Variants in HKDC1 observed in about 807,000 individuals in gnomAD.
HKDC1 encodes hexokinase HKDC1.
In HKDC1, 66 loss-of-function variants were observed where a neutral mutation model predicts 96.6. That is an observed-to-expected ratio of 0.68 (90% CI 0.56 to 0.84). The LOEUF (loss-of-function observed/expected upper bound fraction) is 0.84. HKDC1 is among the 40% of genes least tolerant of loss of function. The probability of loss-of-function intolerance (pLI) is 0.00; values close to 1 mark genes in which losing one functional copy is unlikely to be tolerated. For missense variants in HKDC1, 1,211 were observed against 1,208.1 expected (o/e 1.00, Z -0.04); for synonymous variants, 466 against 473.1 (o/e 0.98, Z 0.20).
intron 4 of HKDC1, among the ~76,000 whole-genome samples, chr10:69,234,329 T>C (rs1323488574): frequency 1.3e-5 from 2 of 152,264 alleles, no homozygotes; most frequent in African/African-American, 4.8e-5. Context: ...CACATGGCTT[T>C]GAATCATGGT....
intron 6 of HKDC1, among the ~76,000 whole-genome samples, chr10:69,242,441 A>AC (rs1843469294): frequency 1.3e-5 from 2 of 151,810 alleles, no homozygotes; most frequent in African/African-American, 2.4e-5. Context: ...AAAAAAAAAA[A>AC]AAAAAAAAAC....
At position 69,248,274 on chromosome 10, in the gene HKDC1, C is replaced by G. The variant is rs928937629; in HGVS notation, c.1266-150C>G. The G allele has an allele frequency of 6.5e-6, 5 of 772,384 alleles. No homozygotes were observed. The African/African-American group carries it at 8.7e-5, about 13-fold the overall frequency. The allele number at this position is 772,384 out of a possible 1,614,324, so 47.8% of individuals were successfully genotyped here. On this transcript the variant is annotated intron_variant, in intron 9 of 17. Coordinates refer to ENST00000354624, the MANE Select transcript of HKDC1 (RefSeq NM_025130.4). ...CCCAGCTTCTTAGTCCCTCCCTCCTCTCATCCCCTCCCCTCCCTACCATCA... is the reference window on the plus strand; with the variant it reads ...CCCAGCTTCTTAGTCCCTCCCTCCTGTCATCCCCTCCCCTCCCTACCATCA...
chr10:69,232,979 C>T (rs1843294938), intron 3 of HKDC1, 35 bp from the exon 4 acceptor site: 1 of 1,613,070 alleles, frequency 6.2e-7, no homozygotes, highest in Non-Finnish European at 8.5e-7. Context: ...GAAACCACAC[C>T]TTAGCCCATG....
At chr10:69,266,492 T>G in intron 17 of HKDC1, 118 bp from the exon 18 acceptor site, 2 of 1,075,452 alleles carry the variant, frequency 1.9e-6, no homozygotes, top group Non-Finnish European at 2.7e-6. Context: ...GAAGAAGCTG[T>G]TTAGAGCCTT....
At chr10:69,224,357 C>G (rs1045733917) in intron 1 of HKDC1, among the ~76,000 whole-genome samples, 9 of 152,114 alleles carry the variant, frequency 5.9e-5, no homozygotes, top group Non-Finnish European at 1.0e-4. Context: ...GATCTCGGCT[C>G]ACTGCCAGCT....
chr10:69,236,497 G>A (rs1843362926), intron 4 of HKDC1, among the ~76,000 whole-genome samples: 1 of 151,556 alleles, frequency 6.6e-6, no homozygotes, highest in South Asian at 2.1e-4. Context: ...ATATCAAGGA[G>A]AGGCCGGGCA....
Position 69,239,142 on chromosome 10 carries a change from G to A in HKDC1, c.591+5G>A. 1 of 1,607,706 alleles carries A rather than the reference G, an allele frequency of 6.2e-7. No individual in the cohort carries two copies. The highest frequency in any genetic ancestry group is 8.5e-7 in the Non-Finnish European group (1 of 1,174,324). On this transcript the variant is annotated splice_donor_5th_base_variant and intron_variant, in intron 5 of 17. Coordinates refer to ENST00000354624, the MANE Select transcript of HKDC1 (RefSeq NM_025130.4). ...AAAGCCATGAGAAGACACAAGGTGA[G>A]GAATTCACCTCGGTGTGGGAGGCTC...
intron 2 of HKDC1, among the ~76,000 whole-genome samples, chr10:69,228,574 G>A (rs979062111): frequency 1.8e-4 from 28 of 152,230 alleles, no homozygotes; most frequent in African/African-American, 6.5e-4. Flanking sequence ...GAGGGAAAAG[G>A]GCTGCTACTG....
intron 2 of HKDC1, among the ~76,000 whole-genome samples, chr10:69,228,004 G>C (rs555354213): frequency 6.6e-6 from 1 of 152,304 alleles, no homozygotes; most frequent in East Asian, 1.9e-4. Flanking sequence ...GTTTCCTATG[G>C]CTGCTGTGAT....
chr10:69,246,432 T>G (rs1843542296), intron 8 of HKDC1, among the ~76,000 whole-genome samples, 198 bp downstream of exon 8: 1 of 152,238 alleles, frequency 6.6e-6, no homozygotes, highest in African/African-American at 2.4e-5. Flanking sequence ...GTTTCATCAG[T>G]GAGGGACTCT....
At chr10:69,256,398 C>T (rs1843716961) in intron 12 of HKDC1, among the ~76,000 whole-genome samples, 1 of 152,174 alleles carries the variant, frequency 6.6e-6, no homozygotes, top group Admixed American at 6.5e-5. Context: ...TGTAATCTGT[C>T]CTTGACTAAG....
At position 69,220,547 on chromosome 10, in the gene HKDC1, A is replaced by G. The variant is rs757992325; in HGVS notation, c.63+49A>G. ...GAGATGCCCAGCTCCTTCTTCACGG[A>G]CAAAACTGATTCCCTTAAAAAAAAA... On this transcript the variant is annotated intron_variant, in intron 1 of 17. Transcript: ENST00000354624. 8 of 1,357,788 alleles carry G rather than the reference A, an allele frequency of 5.9e-6. No individual in the cohort carries two copies. In the South Asian group the frequency reaches 6.9e-5, roughly 12 times the overall value. 84.1% of individuals were successfully genotyped at this position (1,357,788 alleles called of 1,614,324 possible).
intron 1 of HKDC1, among the ~76,000 whole-genome samples, chr10:69,222,016 G>A (rs181950237): frequency 6.6e-5 from 10 of 152,286 alleles, no homozygotes; most frequent in Admixed American, 1.3e-4. Context: ...GAGGTCAGGA[G>A]GTTGAGACCA....
intron 10 of HKDC1, 148 bp downstream of exon 10, chr10:69,248,876 A>G: frequency 2.7e-6 from 2 of 752,404 alleles, no homozygotes; most frequent in Non-Finnish European, 4.1e-6. Context: ...ATTCTTTCTA[A>G]ATCTGTTGGC....
intron 2 of HKDC1, among the ~76,000 whole-genome samples, chr10:69,230,531 A>G (rs1843238759): frequency 6.6e-6 from 1 of 152,214 alleles, no homozygotes; most frequent in South Asian, 2.1e-4. Context: ...GAAGGGAACC[A>G]TTGGGTCCAA....
In HKDC1 at chr10:69,257,033, C is replaced by T. The variant is rs1441526812; in HGVS notation, c.1837-3C>T. ...CAAATGAATTTCCCCTCCTTTCTTT[C>T]AGGGAACACTCATAGGGTGGACCAA... On this transcript the variant is annotated splice_polypyrimidine_tract_variant and splice_region_variant and intron_variant, in intron 12 of 17. Coordinates refer to ENST00000354624, the MANE Select transcript of HKDC1 (RefSeq NM_025130.4). 6.2e-7 allele frequency: 1 copy of T among 1,610,224 alleles called. No individual in the cohort carries two copies. Among genetic ancestry groups the T allele is most frequent in the Non-Finnish European group, 8.5e-7 (1 of 1,176,558 alleles).
chr10:69,231,709 C>A (rs1003826596), intron 2 of HKDC1, among the ~76,000 whole-genome samples: 1 of 152,174 alleles, frequency 6.6e-6, no homozygotes, highest in South Asian at 2.1e-4. Context: ...CTTTCATCTG[C>A]GCATCCCTAG....
At chr10:69,266,531 A>C in intron 17 of HKDC1, 79 bp from the exon 18 acceptor site, 1 of 1,484,802 alleles carries the variant, frequency 6.7e-7, no homozygotes, top group East Asian at 2.3e-5. Context: ...AAGAAGCTAA[A>C]GAAATTAGAT....
At chr10:69,265,399 T>G in intron 16 of HKDC1, 186 bp from the exon 17 acceptor site, 1 of 611,960 alleles carries the variant, frequency 1.6e-6, no homozygotes, top group Non-Finnish European at 2.9e-6. Context: ...TTGATGGAAC[T>G]TCCAGGGGTG....
Sources: gnomAD v4.1 joint callset for allele counts (sites outside exome capture counted in the v4.1 genomes callset) on GRCh38, gnomAD v4.1.1 for gene constraint, MANE v1.5 for transcripts, NCBI Gene and HGNC (gene_info 2026-07-23, HGNC 2026-07-21) for gene names.